The following JRK variants were observed in gnomAD, a reference collection of about 807,000 sequenced individuals.
The protein encoded by JRK is Jrk helix-turn-helix protein, also known as jerky protein homolog.
For missense variants in JRK, 720 were observed against 509.2 expected (o/e 1.41, Z -3.98); for synonymous variants, 303 against 218.1 (o/e 1.39, Z -3.43).
chr8:142,665,004 C>A lies in JRK; in HGVS notation c.1055G>T (p.Gly352Val). The A allele has an allele frequency of 1.4e-6, 1 of 717,694 alleles. No individual in the cohort carries two copies. Among genetic ancestry groups the A allele is most frequent in the Non-Finnish European group, 2.6e-6 (1 of 385,024 alleles). 44.5% of individuals were successfully genotyped at this position (717,694 alleles called of 1,614,324 possible). A position where few individuals can be genotyped will look rare whatever the true frequency, so the allele number is the denominator to read the frequency against. The part of the protein sequence containing the change: ...NFINPPVPLQ[G>V]PHARYNMNDA... ...GTTCATGTTGTAGCGGGCGTGGGGGCCCTGCAGGGGGACCGGAGGGTTAAT... is the reference window on the plus strand; with the variant it reads ...GTTCATGTTGTAGCGGGCGTGGGGGACCTGCAGGGGGACCGGAGGGTTAAT... The change falls in exon 2 of 2, where the codon GGC (glycine) becomes GTC (valine). Residue 352 changes from glycine (G) to valine (V), a missense_variant. Coordinates refer to ENST00000612905, the MANE Select transcript of JRK (RefSeq NM_003724.4).
chr8:142,657,625 A>T lies in JRK; in HGVS notation c.*6727T>A, dbSNP rs587760841. The T allele has an allele frequency of 6.6e-6, 1 of 152,416 alleles. No individual in the cohort carries two copies. The highest frequency in any genetic ancestry group is 1.5e-5 in the Non-Finnish European group (1 of 68,124). The allele number at this position is 152,416 out of a possible 1,614,324, so 9.4% of individuals were successfully genotyped here. On this transcript the variant is annotated 3_prime_UTR_variant, in exon 2 of 2. Coordinates refer to ENST00000612905, the MANE Select transcript of JRK (RefSeq NM_003724.4). ...CAAGAGCAGGAGGAAGAAGGGAGGG[A>T]GGTGCCACCAGGCTCTTTTTAACAA...
chr8:142,648,734 G>A, the JRK span, among the ~76,000 whole-genome samples: 1 of 152,198 alleles, frequency 6.6e-6, no homozygotes, highest in Non-Finnish European at 1.5e-5. Context: ...AGTCCCTACT[G>A]GGGCATCACC....
downstream of JRK, among the ~76,000 whole-genome samples, chr8:142,656,495 T>C (rs1397405842): frequency 3.4e-5 from 2 of 59,318 alleles, no homozygotes; most frequent in African/African-American, 8.6e-5. Context: ...CACAGGTTAA[T>C]CCAATCAAAT....
At chr8:142,657,187 G>C (rs1273452021), downstream of JRK, among the ~76,000 whole-genome samples, 1 of 152,204 alleles carries the variant, frequency 6.6e-6, no homozygotes. Context: ...TGCACTGCTA[G>C]ATGAGTCCTA....
At position 142,659,808 on chromosome 8, in the gene JRK, G is replaced by A; in HGVS notation, c.*4544C>T. On this transcript the variant is annotated 3_prime_UTR_variant, in exon 2 of 2. Coordinates refer to ENST00000612905, the MANE Select transcript of JRK (RefSeq NM_003724.4). ...TGAGGCTGGTCATTAGGAGCAGGTA[G>A]CCCTGGGTCTCCCTCTGCCCTCAGC... 1 of 985,612 alleles carries A rather than the reference G, an allele frequency of 1.0e-6. No homozygotes were observed. The highest frequency in any genetic ancestry group is 1.2e-6 in the Non-Finnish European group (1 of 830,034). The allele number at this position is 985,612 out of a possible 1,614,324, so 61.1% of individuals were successfully genotyped here.
rs1055424971 is a variant in JRK at position 142,666,510 on chromosome 8, C to T, written c.-452G>A. ...TCCACAATGGTATCTCCAGGCACAG[C>T]ACTTCAGGGGCTGGAAAGCAGAGGG... On this transcript the variant is annotated 5_prime_UTR_variant, in exon 2 of 2. Transcript: ENST00000612905. 1 of 277,942 alleles carries T rather than the reference C, an allele frequency of 3.6e-6. No homozygotes were observed. The highest frequency in any genetic ancestry group is 7.4e-6 in the Non-Finnish European group (1 of 134,744). The allele number at this position is 277,942 out of a possible 1,614,324, so 17.2% of individuals were successfully genotyped here.
At chr8:142,648,908 T>G in the JRK span, among the ~76,000 whole-genome samples, 12 of 152,222 alleles carry the variant, frequency 7.9e-5, no homozygotes, top group African/African-American at 2.9e-4. Context: ...AGGGTGGAGC[T>G]GCCCAAGACC....
In JRK at chr8:142,661,628, G is replaced by A. The variant is rs587616060; in HGVS notation, c.*2724C>T. On this transcript the variant is annotated 3_prime_UTR_variant, in exon 2 of 2. Coordinates refer to ENST00000612905, the MANE Select transcript of JRK (RefSeq NM_003724.4). ...AGCCTGGTGCTCACAGATAAAACGCGGAGGCATTTAAACAGGACCAGAGAC... is the reference window on the plus strand; with the variant it reads ...AGCCTGGTGCTCACAGATAAAACGCAGAGGCATTTAAACAGGACCAGAGAC... The A allele has an allele frequency of 1.9e-4, 184 of 985,438 alleles. 1 individual carries two copies. The South Asian group carries it at 5.8e-3, about 31-fold the overall frequency. 61.0% of individuals were successfully genotyped at this position (985,438 alleles called of 1,614,324 possible).
downstream of JRK, among the ~76,000 whole-genome samples, chr8:142,653,058 A>C (rs73714611): frequency 0.043 from 6,575 of 152,300 alleles, 150 homozygotes; most frequent in Non-Finnish European, 0.053. Flanking sequence ...CTCTGCAAAA[A>C]TTTTAAGTGC....
rs1554635201 is a variant in JRK at position 142,664,597 on chromosome 8, C to T, written c.1462G>A (p.Glu488Lys). Reference protein sequence around the residue: ...DPGEGEEVAWEQAAVAFDAVL... With the variant: ...DPGEGEEVAWKQAAVAFDAVL... ...GCGTCAAAGGCCACGGCCGCCTGCT[C>T]CCAGGCCACCTCCTCGCCCTCACCA... Residue 488 changes from glutamate to lysine, a missense_variant, in exon 2 of 2, where the codon GAG becomes AAG. Coordinates refer to ENST00000612905, the MANE Select transcript of JRK (RefSeq NM_003724.4). 1.2e-6 allele frequency: 2 copies of T among 1,609,464 alleles called. No homozygotes were observed. Among genetic ancestry groups the T allele is most frequent in the African/African-American group, 1.3e-5 (1 of 74,990 alleles).
chr8:142,655,239 C>G (rs1846725647), downstream of JRK, among the ~76,000 whole-genome samples: 1 of 152,228 alleles, frequency 6.6e-6, no homozygotes, highest in African/African-American at 2.4e-5. Flanking sequence ...ATTCAATGTC[C>G]TCTAGTGGTG....
At position 142,666,454 on chromosome 8, in the gene JRK, T is replaced by C. The variant is rs1482745592; in HGVS notation, c.-396A>G. 2.9e-6 allele frequency: 1 copy of C among 345,078 alleles called. No homozygotes were observed. Among genetic ancestry groups the C allele is most frequent in the African/African-American group, 2.1e-5 (1 of 47,290 alleles). The allele number at this position is 345,078 out of a possible 1,614,324, so 21.4% of individuals were successfully genotyped here. A position where few individuals can be genotyped will look rare whatever the true frequency, so the allele number is the denominator to read the frequency against. ...ACCAGGTTTGGGGTGGTAGAGGTTT[T>C]ACCGCATAAGCAGCAGGTGCCTCTC... On this transcript the variant is annotated 5_prime_UTR_variant, in exon 2 of 2. The change abolishes the stop of an existing upstream ORF in the 5' untranslated region. Coordinates refer to ENST00000612905, the MANE Select transcript of JRK (RefSeq NM_003724.4).
Position 142,662,060 on chromosome 8 carries a change from T to A in JRK, c.*2292A>T, listed in dbSNP as rs587614109. The stretch of plus-strand genomic sequence containing the variant: ...GAGTCCCCTGGGTGGCACAAGGGAT[T>A]CCAGCCACAAGGGCTGCACCTAGAG... On this transcript the variant is annotated 3_prime_UTR_variant, in exon 2 of 2. Coordinates refer to ENST00000612905, the MANE Select transcript of JRK (RefSeq NM_003724.4). 2.0e-6 allele frequency: 2 copies of A among 985,412 alleles called. No individual in the cohort carries two copies. Among genetic ancestry groups the A allele is most frequent in the African/African-American group, 3.5e-5 (2 of 57,342 alleles). 61.0% of individuals were successfully genotyped at this position (985,412 alleles called of 1,614,324 possible). A position where few individuals can be genotyped will look rare whatever the true frequency, so the allele number is the denominator to read the frequency against.
intron 1 of JRK, among the ~76,000 whole-genome samples, chr8:142,667,115 A>G (rs1414272263): frequency 2.0e-5 from 3 of 152,238 alleles, no homozygotes; most frequent in Non-Finnish European, 4.4e-5. Flanking sequence ...AAAACAAGGC[A>G]TTAGAAGTTT....
chr8:142,655,888 T>C (rs4371985), downstream of JRK, among the ~76,000 whole-genome samples: 90,728 of 152,096 alleles, frequency 0.6, 28,369 homozygotes, highest in Admixed American at 0.69. Flanking sequence ...GTTCTAGGGA[T>C]CACCATTTAC....
chr8:142,662,352 G>A lies in JRK; in HGVS notation c.*2000C>T. 1 of 985,524 alleles carries A rather than the reference G, an allele frequency of 1.0e-6. No homozygotes were observed. The highest frequency in any genetic ancestry group is 1.2e-6 in the Non-Finnish European group (1 of 830,026). The allele number at this position is 985,524 out of a possible 1,614,324, so 61.0% of individuals were successfully genotyped here. ...CCACCCAGGATGTCCTACTGTTTCA[G>A]AGCCCTCGGGACATGTTCTAACCTC... On this transcript the variant is annotated 3_prime_UTR_variant, in exon 2 of 2. Transcript: ENST00000612905.
At position 142,665,559 on chromosome 8, in the gene JRK, G is replaced by A. The variant is rs587669418; in HGVS notation, c.500C>T (p.Ala167Val). The change falls in exon 2 of 2, where the codon GCG becomes GTG. Residue 167 changes from alanine (A) to valine (V), a missense_variant. Transcript: ENST00000612905. ...ADHQAAEQFC[A>V]FFRSLAAEHG... The stretch of plus-strand genomic sequence containing the variant: ...CTCAGCAGCCAAGCTCCTGAAAAAC[G>A]CACAGAACTGCTCCGCGGCCTGGTG... 1.7e-5 allele frequency: 12 copies of A among 718,514 alleles called. No individual in the cohort carries two copies. Among genetic ancestry groups the A allele is most frequent in the Middle Eastern group, 4.6e-4 (2 of 4,372 alleles). The allele number at this position is 718,514 out of a possible 1,614,324, so 44.5% of individuals were successfully genotyped here. A position where few individuals can be genotyped will look rare whatever the true frequency, so the allele number is the denominator to read the frequency against.
At chr8:142,656,214 T>C (rs144505160), downstream of JRK, among the ~76,000 whole-genome samples, 32 of 152,338 alleles carry the variant, frequency 2.1e-4, no homozygotes, top group Non-Finnish European at 3.7e-4. Flanking sequence ...CAATTCTGGA[T>C]ACTAGCCAAC....
chr8:142,659,346 T>C lies in JRK; in HGVS notation c.*5006A>G, dbSNP rs935201839. The stretch of plus-strand genomic sequence containing the variant: ...ACACTGGGCAACACATTCCCTGCTC[T>C]GGACCTCAGTTCCTTTGGCTACTAA... On this transcript the variant is annotated 3_prime_UTR_variant, in exon 2 of 2. Transcript: ENST00000612905. The C allele has an allele frequency of 1.4e-5, 14 of 993,562 alleles. No individual in the cohort carries two copies. Among genetic ancestry groups the C allele is most frequent in the Non-Finnish European group, 1.6e-5 (13 of 835,018 alleles). 61.5% of individuals were successfully genotyped at this position (993,562 alleles called of 1,614,324 possible). A position where few individuals can be genotyped will look rare whatever the true frequency, so the allele number is the denominator to read the frequency against.
Sources: allele counts gnomAD v4.1 joint callset (sites outside exome capture counted in the v4.1 genomes callset), GRCh38; gene constraint gnomAD v4.1.1; transcripts MANE v1.5; gene names NCBI Gene and HGNC (gene_info 2026-07-23, HGNC 2026-07-21).